TSNARE1: variants seen among roughly 807,000 people sequenced by gnomAD.
TSNARE1 encodes the protein t-SNARE domain-containing protein 1.
TSNARE1 carries 49 observed loss-of-function variants against 62.0 expected under a neutral mutation model. The ratio of observed to expected loss-of-function variants is 0.79; its 90% CI spans 0.63 to 1.00. The LOEUF (loss-of-function observed/expected upper bound fraction) is 1.00. Among genes scored for constraint, TSNARE1 ranks in the 50% least tolerant of loss-of-function variants. TSNARE1 has a pLI of 0.00. For missense variants in TSNARE1, 755 were observed against 700.1 expected (o/e 1.08, Z -0.88); for synonymous variants, 328 against 294.4 (o/e 1.11, Z -1.17).
chr8:142,327,049 G>T (rs762756586), intron 6 of TSNARE1, among the ~76,000 whole-genome samples: 3 of 152,208 alleles, frequency 2.0e-5, no homozygotes, highest in Admixed American at 6.5e-5. Flanking sequence ...GCTTTGGAAA[G>T]TCTGGCAGTT....
intron 1 of TSNARE1, among the ~76,000 whole-genome samples, chr8:142,396,192 C>T (rs1024956566): frequency 1.7e-4 from 26 of 152,026 alleles, no homozygotes; most frequent in African/African-American, 5.8e-4. Context: ...CAGTGTGCAC[C>T]CCTCAGATGA....
intron 12 of TSNARE1, among the ~76,000 whole-genome samples, chr8:142,250,718 G>A (rs35476203): frequency 7.0e-4 from 107 of 152,314 alleles, no homozygotes; most frequent in Non-Finnish European, 1.3e-3. Flanking sequence ...AGGCAACACC[G>A]AGGGCATGGC....
chr8:142,306,178 G>A (rs1329327132), intron 9 of TSNARE1, among the ~76,000 whole-genome samples: 1 of 152,172 alleles, frequency 6.6e-6, no homozygotes, highest in Non-Finnish European at 1.5e-5. Context: ...ACATCAGGAC[G>A]GACACGGCTG....
intron 9 of TSNARE1, among the ~76,000 whole-genome samples, chr8:142,301,947 G>C (rs1351607331): frequency 1.3e-5 from 2 of 152,242 alleles, no homozygotes; most frequent in African/African-American, 2.4e-5. Context: ...TTCGGTGAGT[G>C]CAAGGACAAG....
At chr8:142,396,121 T>C (rs35556050) in intron 1 of TSNARE1, among the ~76,000 whole-genome samples, 30,660 of 151,868 alleles carry the variant, frequency 0.2, 3,215 homozygotes, top group East Asian at 0.28. Flanking sequence ...CCCCAGACCA[T>C]GCCACACTCA....
intron 7 of TSNARE1, among the ~76,000 whole-genome samples, chr8:142,316,526 T>C (rs1021795224): frequency 1.3e-5 from 2 of 151,748 alleles, no homozygotes; most frequent in Non-Finnish European, 1.5e-5. Flanking sequence ...AATTTAGATC[T>C]GATAAAATCT....
chr8:142,365,602 G>GCACGCACA (rs1554674593), intron 1 of TSNARE1, among the ~76,000 whole-genome samples: 1 of 144,404 alleles, frequency 6.9e-6, no homozygotes, highest in Non-Finnish European at 1.5e-5. Context: ...ACATGCACAC[G>GCACGCACA]CACACACACA....
intron 1 of TSNARE1, among the ~76,000 whole-genome samples, chr8:142,361,773 C>G (rs1835181927): frequency 6.6e-6 from 1 of 152,168 alleles, no homozygotes; most frequent in Admixed American, 6.5e-5. Context: ...CCGGAAAAGA[C>G]AGAGGGAGCT....
chr8:142,222,210 C>CACT (rs1563754727), intron 13 of TSNARE1, among the ~76,000 whole-genome samples: 4 of 22,404 alleles, frequency 1.8e-4, no homozygotes, highest in East Asian at 1.5e-3. Flanking sequence ...ACTCACTCAT[C>CACT]CGCTCATTCA....
Position 142,308,391 on chromosome 8 carries a change from T to C in TSNARE1, c.1131+5993A>G, listed in dbSNP as rs183318303. Among the ~76,000 whole-genome samples, 41 of 152,322 alleles carry C rather than the reference T, an allele frequency of 2.7e-4. No homozygotes were observed. The East Asian group carries it at 6.2e-3, about 23-fold the overall frequency. ...GAAGTGCTTTCTGCACAGGGTGAGC[T>C]GACGTTTGCAAAGGGTCCTTTTTTT... On this transcript the variant is annotated intron_variant, in intron 9 of 13. Coordinates refer to ENST00000524325, the MANE Select transcript of TSNARE1 (RefSeq NM_145003.5).
chr8:142,227,060 C>G (rs1269301771), intron 13 of TSNARE1, among the ~76,000 whole-genome samples: 1 of 149,590 alleles, frequency 6.7e-6, no homozygotes, highest in Non-Finnish European at 1.5e-5. Flanking sequence ...CCAGGCCCCC[C>G]ACTGCACCCA....
At chr8:142,308,931 TA>T (rs1368411716) in intron 9 of TSNARE1, among the ~76,000 whole-genome samples, 1 of 152,216 alleles carries the variant, frequency 6.6e-6, no homozygotes, top group Non-Finnish European at 1.5e-5. Flanking sequence ...GACATCTCCA[TA>T]AGCACAGCAA....
chr8:142,381,792 G>A (rs1028359878), intron 1 of TSNARE1, among the ~76,000 whole-genome samples: 1 of 152,172 alleles, frequency 6.6e-6, no homozygotes, highest in Non-Finnish European at 1.5e-5. Context: ...CCGCAGCTCG[G>A]CGTCCTGGGC....
chr8:142,342,729 G>A (rs1231937623), intron 4 of TSNARE1, among the ~76,000 whole-genome samples: 3 of 149,764 alleles, frequency 2.0e-5, no homozygotes, highest in Non-Finnish European at 4.4e-5. Flanking sequence ...CCATGCCTAC[G>A]CCCTGCACCT....
intron 9 of TSNARE1, 126 bp from the exon 10 acceptor site, chr8:142,300,770 C>CTGGGTCTGAGGCGACGATA: frequency 7.8e-7 from 1 of 1,288,338 alleles, no homozygotes; most frequent in Admixed American, 2.2e-5. Flanking sequence ...AGGGGACGAT[C>CTGGGTCTGAGGCGACGATA]TGGGTCTGAG....
At chr8:142,213,730 G>A (rs1022000115) in intron 13 of TSNARE1, among the ~76,000 whole-genome samples, 18 of 152,206 alleles carry the variant, frequency 1.2e-4, no homozygotes, top group African/African-American at 4.3e-4. Context: ...AGGGAGGCGA[G>A]GGGAGGGTGA....
chr8:142,217,887 T>C (rs897731116), intron 13 of TSNARE1, among the ~76,000 whole-genome samples: 48 of 57,256 alleles, frequency 8.4e-4, no homozygotes, highest in African/African-American at 1.1e-3. Flanking sequence ...GGATCAGGGC[T>C]CAGTGTGTGA....
At chr8:142,256,127 T>C (rs1463758323) in intron 12 of TSNARE1, among the ~76,000 whole-genome samples, 20 of 47,508 alleles carry the variant, frequency 4.2e-4, no homozygotes, top group South Asian at 8.1e-4. Context: ...ATCACCACCA[T>C]CATCACCGTC....
At chr8:142,317,965 C>CA (rs536332479) in intron 7 of TSNARE1, among the ~76,000 whole-genome samples, 232 of 151,222 alleles carry the variant, frequency 1.5e-3, no homozygotes, top group African/African-American at 5.3e-3. Flanking sequence ...CTCAAAAACA[C>CA]AAAAAAAAAT....
Sources: allele counts gnomAD v4.1 joint callset (sites outside exome capture counted in the v4.1 genomes callset), GRCh38; gene constraint gnomAD v4.1.1; transcripts MANE v1.5; gene names NCBI Gene and HGNC (gene_info 2026-07-23, HGNC 2026-07-21).